The following ATP6V1A variants were observed in gnomAD, a reference collection of about 807,000 sequenced individuals.
ATP6V1A encodes the protein ATPase H+ transporting V1 subunit A, also known as V-type proton ATPase catalytic subunit A.
A neutral mutation model predicts 70.1 loss-of-function variants in ATP6V1A; 18 were observed. The ratio of observed to expected loss-of-function variants is 0.26; its 90% CI spans 0.18 to 0.38. The LOEUF (loss-of-function observed/expected upper bound fraction) is 0.38, where lower values mean the gene tolerates loss of function less well. ATP6V1A is among the 10% of genes least tolerant of loss of function. The pLI is 1.00. For synonymous variants in ATP6V1A, 232 were observed against 253.8 expected, an observed-to-expected ratio of 0.91 and a Z score of 0.82; for missense variants, 424 against 772.4, an observed-to-expected ratio of 0.55 and a Z score of 5.35.
intron 1 of ATP6V1A, chr3:113,747,442 C>T (rs967375707): frequency 1.3e-5 from 2 of 152,320 alleles, no homozygotes; most frequent in African/African-American, 4.8e-5. Context: ...AGGTCCCATT[C>T]CTTAAAGCCC....
chr3:113,750,484 AAAAAAC>A (rs1003124774), intron 1 of ATP6V1A, among the ~76,000 whole-genome samples: 82 of 152,300 alleles, frequency 5.4e-4, no homozygotes, highest in African/African-American at 1.9e-3. Flanking sequence ...TCCATCTCAA[AAAAAAC>A]AAAAACAAAA....
At chr3:113,802,829 A>G (rs1210717694) in intron 12 of ATP6V1A, 1 of 151,990 alleles carries the variant, frequency 6.6e-6, no homozygotes, top group Middle Eastern at 3.1e-3. Context: ...CGCCTGGGTA[A>G]TTTTTGTATT....
intron 8 of ATP6V1A, 61 bp downstream of exon 8, chr3:113,789,901 A>G (rs781123601): frequency 2.4e-5 from 30 of 1,266,254 alleles, no homozygotes; most frequent in Non-Finnish European, 3.3e-5. Flanking sequence ...AGCTAGCACC[A>G]AACTTTTCTA....
At chr3:113,754,609 G>A (rs1245605156) in intron 1 of ATP6V1A, among the ~76,000 whole-genome samples, 2 of 151,954 alleles carry the variant, frequency 1.3e-5, no homozygotes, top group Non-Finnish European at 2.9e-5. Flanking sequence ...TTACAAATTT[G>A]GCATGTTATT....
intron 1 of ATP6V1A, among the ~76,000 whole-genome samples, chr3:113,778,266 C>T (rs940185014): frequency 9.9e-5 from 15 of 152,112 alleles, no homozygotes; most frequent in African/African-American, 3.6e-4. Flanking sequence ...TGGTCACGTG[C>T]ACCTGTAATT....
chr3:113,769,354 G>T (rs1401468369), intron 1 of ATP6V1A, among the ~76,000 whole-genome samples: 1 of 152,042 alleles, frequency 6.6e-6, no homozygotes, highest in Admixed American at 6.6e-5. Context: ...AGATTCTTCT[G>T]AATCTTTTTT....
chr3:113,775,821 A>G (rs1378232510), intron 1 of ATP6V1A, among the ~76,000 whole-genome samples: 1 of 152,194 alleles, frequency 6.6e-6, no homozygotes, highest in Non-Finnish European at 1.5e-5. Flanking sequence ...TCTGATTTTG[A>G]AAATCTTTGA....
chr3:113,795,286 A>C, intron 10 of ATP6V1A, 82 bp downstream of exon 10: 4 of 1,436,444 alleles, frequency 2.8e-6, no homozygotes, highest in Non-Finnish European at 3.8e-6. Context: ...CTTATTTTAA[A>C]GAGAGAATAT....
chr3:113,784,082 C>A, intron 3 of ATP6V1A, 142 bp from the exon 4 acceptor site: 2 of 717,564 alleles, frequency 2.8e-6, no homozygotes, highest in Non-Finnish European at 4.6e-6. Flanking sequence ...TTACTGAAAA[C>A]ACTATGAATC....
chr3:113,789,663 A>AAT (rs1491166079), intron 7 of ATP6V1A, 69 bp from the exon 8 acceptor site: 2 of 1,251,926 alleles, frequency 1.6e-6, no homozygotes, highest in East Asian at 4.7e-5. Context: ...AAAAAAAAAA[A>AAT]GAAAAATAGG....
intron 8 of ATP6V1A, among the ~76,000 whole-genome samples, chr3:113,794,095 C>G (rs1324670885): frequency 1.3e-5 from 2 of 152,138 alleles, no homozygotes; most frequent in Non-Finnish European, 2.9e-5. Context: ...ACCCAACACT[C>G]GTTTCTGTAT....
In ATP6V1A at chr3:113,749,263, T is replaced by TCACACACACACACA. The variant is rs58516178; in HGVS notation, c.-14+2180_-14+2193dup. Among the ~76,000 whole-genome samples the TCACACACACACACA allele has an allele frequency of 8.4e-4, 119 of 141,252 alleles. 1 individual carries two copies. The highest frequency in any genetic ancestry group is 3.0e-3 in the African/African-American group (112 of 37,944). The allele number at this position is 141,252 out of a possible 152,430, so 92.7% of individuals were successfully genotyped here. On this transcript the variant is annotated intron_variant, in intron 1 of 14. Coordinates refer to ENST00000273398, the MANE Select transcript of ATP6V1A (RefSeq NM_001690.4). The stretch of plus-strand genomic sequence containing the variant: ...AAAAAGCTTTGACATTATACACAGA[T>TCACACACACACACA]CACACACACACACACACACACACAC...
intron 5 of ATP6V1A, among the ~76,000 whole-genome samples, chr3:113,785,667 C>T (rs1485171470): frequency 6.7e-6 from 1 of 150,180 alleles, no homozygotes; most frequent in Non-Finnish European, 1.5e-5. Flanking sequence ...TGCCACCATG[C>T]CCAGTTAATT....
intron 6 of ATP6V1A, among the ~76,000 whole-genome samples, chr3:113,788,028 C>T (rs1709055696): frequency 6.6e-6 from 1 of 152,184 alleles, no homozygotes; most frequent in Non-Finnish European, 1.5e-5. Flanking sequence ...TCCAGTTATC[C>T]TCCTGCCCCA....
chr3:113,787,368 T>C (rs555455861), intron 6 of ATP6V1A, among the ~76,000 whole-genome samples: 1 of 152,298 alleles, frequency 6.6e-6, no homozygotes, highest in Non-Finnish European at 1.5e-5. Flanking sequence ...TGATGCTGGA[T>C]CTACTTCTAG....
chr3:113,795,086 T>A lies in ATP6V1A; in HGVS notation c.1112-4T>A. 6.2e-7 allele frequency: 1 copy of A among 1,613,774 alleles called. No homozygotes were observed. The highest frequency in any genetic ancestry group is 8.5e-7 in the Non-Finnish European group (1 of 1,179,926). ...CTGTTTTAAAATTTCTTTTCATTTT[T>A]CAGATAGTGGATATCCAGCCTATCT... On this transcript the variant is annotated splice_polypyrimidine_tract_variant and splice_region_variant and intron_variant, in intron 9 of 14. Coordinates refer to ENST00000273398, the MANE Select transcript of ATP6V1A (RefSeq NM_001690.4).
chr3:113,772,339 A>G (rs1168708899), intron 1 of ATP6V1A, among the ~76,000 whole-genome samples: 2 of 152,222 alleles, frequency 1.3e-5, no homozygotes, highest in African/African-American at 4.8e-5. Flanking sequence ...TGATGTGAAG[A>G]AATGAATCCT....
intron 3 of ATP6V1A, 81 bp downstream of exon 3, chr3:113,781,259 A>G (rs1194969794): frequency 6.9e-7 from 1 of 1,442,984 alleles, no homozygotes; most frequent in African/African-American, 1.5e-5. Context: ...GCCTCACACA[A>G]AGTAATCCCA....
rs754014778 is a variant in ATP6V1A at position 113,803,573 on chromosome 3, T to C, written c.1495-10T>C. On this transcript the variant is annotated splice_polypyrimidine_tract_variant and intron_variant, in intron 12 of 14. Coordinates refer to ENST00000273398, the MANE Select transcript of ATP6V1A (RefSeq NM_001690.4). Reference sequence around the variant, plus strand: ...GAGTAAATGTCTAAAAATATCTTTTTCTCTTCTAGGCTTCTTTGGCAGAAA... The same window carrying C: ...GAGTAAATGTCTAAAAATATCTTTTCCTCTTCTAGGCTTCTTTGGCAGAAA... 26 of 1,578,582 alleles carry C rather than the reference T, an allele frequency of 1.6e-5. No individual in the cohort carries two copies. The South Asian group carries it at 2.8e-4, about 17-fold the overall frequency.
Sources: allele counts gnomAD v4.1 joint callset (sites outside exome capture counted in the v4.1 genomes callset), GRCh38; gene constraint gnomAD v4.1.1; transcripts MANE v1.5; gene names NCBI Gene and HGNC (gene_info 2026-07-23, HGNC 2026-07-21).